GRID2: variants seen among roughly 807,000 people sequenced by gnomAD.
GRID2 encodes the protein glutamate ionotropic receptor delta type subunit 2.
GRID2 carries 33 observed loss-of-function variants against 114.8 expected under a neutral mutation model. The ratio of observed to expected loss-of-function variants is 0.29; its 90% CI spans 0.22 to 0.38. GRID2 has a LOEUF of 0.38. Ranked by LOEUF, GRID2 falls within the 10% of genes least tolerant of loss-of-function variation. The pLI is 1.00. For synonymous variants in GRID2, 505 were observed against 449.9 expected (o/e 1.12, Z -1.55); for missense variants, 1,184 against 1,257.7 (o/e 0.94, Z 0.89).
chr4:93,250,584 A>G (rs1341059144), intron 8 of GRID2, among the ~76,000 whole-genome samples: 1 of 150,134 alleles, frequency 6.7e-6, no homozygotes, highest in Non-Finnish European at 1.5e-5. Context: ...CAAAAAAACA[A>G]GTAACACATA....
At chr4:93,021,787 TTA>T (rs1182955191) in intron 2 of GRID2, among the ~76,000 whole-genome samples, 22 of 146,292 alleles carry the variant, frequency 1.5e-4, no homozygotes, top group South Asian at 1.3e-3. Flanking sequence ...AATATGTATA[TTA>T]TATATTATTT....
chr4:93,119,211 T>G (rs759266624), intron 4 of GRID2, among the ~76,000 whole-genome samples: 1 of 152,202 alleles, frequency 6.6e-6, no homozygotes, highest in Admixed American at 6.5e-5. Context: ...CAGCTGAGTA[T>G]ATAAACCTGC....
chr4:92,682,682 G>GCACA (rs57217377), intron 2 of GRID2, among the ~76,000 whole-genome samples: 3,737 of 142,720 alleles, frequency 0.026, 76 homozygotes, highest in African/African-American at 0.066. Context: ...AAATCGCAGG[G>GCACA]CACACACACA....
At chr4:92,735,987 A>T (rs1736579390) in intron 2 of GRID2, among the ~76,000 whole-genome samples, 1 of 152,102 alleles carries the variant, frequency 6.6e-6, no homozygotes, top group Non-Finnish European at 1.5e-5. Flanking sequence ...TAGACAGAAA[A>T]AGCCCCCCCA....
chr4:92,368,491 T>G (rs1346586440), intron 1 of GRID2, among the ~76,000 whole-genome samples: 1 of 152,168 alleles, frequency 6.6e-6, no homozygotes, highest in African/African-American at 2.4e-5. Flanking sequence ...AAAGTTTTAA[T>G]AAATGCACTG....
At chr4:93,171,475 C>T (rs1192141404) in intron 4 of GRID2, among the ~76,000 whole-genome samples, 1 of 152,226 alleles carries the variant, frequency 6.6e-6, no homozygotes, top group Non-Finnish European at 1.5e-5. Context: ...CCTCATCTAA[C>T]ATTCTATATA....
In GRID2 at chr4:92,394,539, T is replaced by C. The variant is rs115398009; in HGVS notation, c.88+89795T>C. ...CAATGCTTATATCATTCTCTACTTA[T>C]ATTTTAATTAGAAGAATGTAAGTAG... is the stretch of plus-strand genomic sequence containing the variant. On this transcript the variant is annotated intron_variant, in intron 1 of 15. Transcript: ENST00000282020. Among the ~76,000 whole-genome samples the C allele has an allele frequency of 3.6e-3, 547 of 152,120 alleles. 4 individuals are homozygous for C. Among genetic ancestry groups the C allele is most frequent in the African/African-American group, 0.012 (504 of 41,570 alleles).
intron 5 of GRID2, among the ~76,000 whole-genome samples, chr4:93,212,964 G>A (rs1403200249): frequency 6.6e-6 from 1 of 152,012 alleles, no homozygotes; most frequent in South Asian, 2.1e-4. Flanking sequence ...GTAGAAATGG[G>A]GTTTCACCAT....
intron 2 of GRID2, among the ~76,000 whole-genome samples, chr4:93,045,253 GC>G (rs1409997181): frequency 1.3e-5 from 2 of 152,018 alleles, no homozygotes; most frequent in East Asian, 3.9e-4. Context: ...TGTCTAGTTG[GC>G]CTTGGTCTAT....
At chr4:93,041,033 A>G (rs1725468333) in intron 2 of GRID2, among the ~76,000 whole-genome samples, 1 of 152,168 alleles carries the variant, frequency 6.6e-6, no homozygotes, top group Non-Finnish European at 1.5e-5. Context: ...AAAATTAAGA[A>G]CAAAAATCAG....
chr4:92,957,051 G>T (rs181095898), intron 2 of GRID2, among the ~76,000 whole-genome samples: 109 of 151,946 alleles, frequency 7.2e-4, no homozygotes, highest in Admixed American at 7.1e-3. Context: ...TTGTATAATA[G>T]CCCTCTATCA....
At position 92,367,451 on chromosome 4, in the gene GRID2, A is replaced by G. The variant is rs373678359; in HGVS notation, c.88+62707A>G. 2.6e-5 allele frequency among the ~76,000 whole-genome samples: 4 copies of G among 152,012 alleles called. No individual in the cohort carries two copies. The East Asian group carries it at 7.7e-4, about 29-fold the overall frequency. ...GTTTGATATTTCAGCTGAGAGTTTT[A>G]AGAATCAGAAGGAGCTTGCCATGGA... is the stretch of plus-strand genomic sequence containing the variant. On this transcript the variant is annotated intron_variant, in intron 1 of 15. Transcript: ENST00000282020.
At chr4:93,155,771 T>C (rs1737123577) in intron 4 of GRID2, among the ~76,000 whole-genome samples, 1 of 151,608 alleles carries the variant, frequency 6.6e-6, no homozygotes, top group Admixed American at 6.6e-5. Context: ...AATAGAGAAG[T>C]GTAGGGGAAA....
intron 4 of GRID2, among the ~76,000 whole-genome samples, chr4:93,128,047 A>C (rs796700356): frequency 0.055 from 8,015 of 145,078 alleles, 530 homozygotes; most frequent in East Asian, 0.19. Flanking sequence ...AAAAAAAAAA[A>C]AAAAAAAAAA....
chr4:93,272,386 T>C (rs911637889), intron 8 of GRID2, among the ~76,000 whole-genome samples: 8 of 152,160 alleles, frequency 5.3e-5, no homozygotes, highest in Non-Finnish European at 1.0e-4. Context: ...GTATGTTATG[T>C]AGGCCATACT....
intron 2 of GRID2, among the ~76,000 whole-genome samples, chr4:92,950,617 A>G (rs1282688523): frequency 1.3e-5 from 2 of 152,142 alleles, no homozygotes; most frequent in Non-Finnish European, 2.9e-5. Context: ...TCTTCATAGC[A>G]TGCTTCTTCT....
At chr4:92,578,941 G>A (rs1728042056) in intron 1 of GRID2, among the ~76,000 whole-genome samples, 1 of 152,090 alleles carries the variant, frequency 6.6e-6, no homozygotes, top group African/African-American at 2.4e-5. Context: ...AGAATTCACA[G>A]ATACAAATGT....
At chr4:92,424,246 G>A (rs1021957084) in intron 1 of GRID2, among the ~76,000 whole-genome samples, 1 of 152,016 alleles carries the variant, frequency 6.6e-6, no homozygotes, top group Non-Finnish European at 1.5e-5. Flanking sequence ...TATTGCAAAG[G>A]AAAGAGTTAT....
chr4:92,345,637 G>T (rs1727726492), intron 1 of GRID2, among the ~76,000 whole-genome samples: 1 of 152,114 alleles, frequency 6.6e-6, no homozygotes, highest in South Asian at 2.1e-4. Context: ...AGTCATAAAT[G>T]ATATTATGGT....
Sources: gnomAD v4.1 joint callset for allele counts (sites outside exome capture counted in the v4.1 genomes callset) on GRCh38, gnomAD v4.1.1 for gene constraint, MANE v1.5 for transcripts, NCBI Gene and HGNC (gene_info 2026-07-23, HGNC 2026-07-21) for gene names.